Variants in RAP1A observed in about 807,000 individuals in gnomAD.
RAP1A encodes the protein ras-related protein Rap-1A.
A neutral mutation model predicts 26.4 loss-of-function variants in RAP1A; 6 were observed. The observed-to-expected ratio is 0.23, with a 90% CI of 0.12 to 0.45. The LOEUF (loss-of-function observed/expected upper bound fraction) is 0.45, where lower values mean the gene tolerates loss of function less well. Ranked by LOEUF, RAP1A falls within the 20% of genes least tolerant of loss-of-function variation. The pLI, the probability that RAP1A is intolerant of heterozygous loss-of-function variation, is 0.99. For synonymous variants in RAP1A, 73 were observed against 79.4 expected, an observed-to-expected ratio of 0.92 and a Z score of 0.43; for missense variants, 121 against 217.2, an observed-to-expected ratio of 0.56 and a Z score of 2.78.
rs1198752310 is a variant in RAP1A at position 111,619,928 on chromosome 1, CG to C, written c.-28+1del. 5 of 299,822 alleles carry C rather than the reference CG, an allele frequency of 1.7e-5. No individual in the cohort carries two copies. Among genetic ancestry groups the C allele is most frequent in the Non-Finnish European group, 2.9e-5 (5 of 174,126 alleles). The allele number at this position is 299,822 out of a possible 1,614,324, so 18.6% of individuals were successfully genotyped here. A position where few individuals can be genotyped will look rare whatever the true frequency, so the allele number is the denominator to read the frequency against. On this transcript the variant is annotated 5_prime_UTR_variant, in exon 1 of 8. Transcript: ENST00000369709. Reference sequence around the variant, plus strand: ...GGAGGAGGTGGAGGAGGCGCCGGACCGGGGGGGTGAGTAAGGGGCGGGGAGC... The same window carrying C: ...GGAGGAGGTGGAGGAGGCGCCGGACCGGGGGGTGAGTAAGGGGCGGGGAGC...
At chr1:111,658,022 C>T (rs1258746710) in intron 1 of RAP1A, among the ~76,000 whole-genome samples, 1 of 152,074 alleles carries the variant, frequency 6.6e-6, no homozygotes, top group Non-Finnish European at 1.5e-5. Flanking sequence ...TTGAGACTTA[C>T]TTTATAATTT....
At chr1:111,606,516 T>C (rs1396142257) in intron 1 of RAP1A, among the ~76,000 whole-genome samples, 1 of 152,208 alleles carries the variant, frequency 6.6e-6, no homozygotes, top group East Asian at 1.9e-4. Flanking sequence ...CAGCTTTGCA[T>C]GTATCTTGGC....
intron 1 of RAP1A, among the ~76,000 whole-genome samples, chr1:111,688,822 GT>G (rs767753356): frequency 1.4e-4 from 13 of 90,110 alleles, no homozygotes; most frequent in Admixed American, 8.5e-4. Context: ...TTTTTTTTTT[GT>G]TTTTTTTTTT....
At chr1:111,543,408 T>C (rs2185029) in intron 1 of RAP1A, among the ~76,000 whole-genome samples, 84,413 of 151,860 alleles carry the variant, frequency 0.56, 23,567 homozygotes, top group East Asian at 0.73. Flanking sequence ...CCAAATACCA[T>C]CTCCCGTCTA....
chr1:111,612,946 G>A (rs1658947879), intron 1 of RAP1A, among the ~76,000 whole-genome samples: 1 of 152,088 alleles, frequency 6.6e-6, no homozygotes, highest in Admixed American at 6.5e-5. Flanking sequence ...ACAAAATTTT[G>A]TACTCTTTTT....
In RAP1A at chr1:111,619,999, C is replaced by A. The variant is rs917996034; in HGVS notation, c.-28+65C>A. ...AGCGGGGGGCGCGGGTCGGCCGAGCCGAGGGTGAGGCGGCTCATGTCGCCG... is the reference window on the plus strand; with the variant it reads ...AGCGGGGGGCGCGGGTCGGCCGAGCAGAGGGTGAGGCGGCTCATGTCGCCG... On this transcript the variant is annotated intron_variant, in intron 1 of 7. Coordinates refer to ENST00000369709, the MANE Select transcript of RAP1A (RefSeq NM_002884.4). 6.1e-5 allele frequency: 24 copies of A among 396,418 alleles called. 1 individual carries two copies. The highest frequency in any genetic ancestry group is 8.9e-5 in the Non-Finnish European group (20 of 224,686). The allele number at this position is 396,418 out of a possible 1,614,324, so 24.6% of individuals were successfully genotyped here. A position where few individuals can be genotyped will look rare whatever the true frequency, so the allele number is the denominator to read the frequency against.
chr1:111,563,561 A>G (rs2101050391), intron 1 of RAP1A, among the ~76,000 whole-genome samples: 1 of 152,320 alleles, frequency 6.6e-6, no homozygotes, highest in East Asian at 1.9e-4. Flanking sequence ...TCAGTGATCG[A>G]AGGTGTAGGG....
In RAP1A at chr1:111,669,579, G is replaced by A. The variant is rs139493300; in HGVS notation, c.-27-21755G>A. 3.0e-3 allele frequency among the ~76,000 whole-genome samples: 463 copies of A among 152,350 alleles called. 4 individuals carry two copies. The highest frequency in any genetic ancestry group is 0.011 in the African/African-American group (450 of 41,596). Reference sequence around the variant, plus strand: ...GACTACCTAGCTGCCAAACAAGAGTGTCATGTGAGAGGAAAATAACCCTGA... The same window carrying A: ...GACTACCTAGCTGCCAAACAAGAGTATCATGTGAGAGGAAAATAACCCTGA... On this transcript the variant is annotated intron_variant, in intron 1 of 7. Transcript: ENST00000369709.
At chr1:111,651,123 A>G (rs371794353) in intron 1 of RAP1A, among the ~76,000 whole-genome samples, 1 of 151,976 alleles carries the variant, frequency 6.6e-6, no homozygotes, top group African/African-American at 2.4e-5. Context: ...TTTCATACAG[A>G]TGGTTTTGCT....
chr1:111,559,796 T>C (rs1436879521), intron 1 of RAP1A, among the ~76,000 whole-genome samples: 1 of 152,252 alleles, frequency 6.6e-6, no homozygotes, highest in Non-Finnish European at 1.5e-5. Flanking sequence ...TGAGTCTAGC[T>C]ATGAGGTGGC....
intron 1 of RAP1A, among the ~76,000 whole-genome samples, chr1:111,606,457 C>T (rs1347213498): frequency 3.9e-5 from 6 of 152,170 alleles, no homozygotes; most frequent in African/African-American, 1.4e-4. Context: ...TCATATAGAC[C>T]TGGCAAACAG....
chr1:111,677,574 A>G (rs773780590), intron 1 of RAP1A, among the ~76,000 whole-genome samples: 5 of 152,146 alleles, frequency 3.3e-5, no homozygotes, highest in Non-Finnish European at 7.4e-5. Context: ...GATAAGCTTC[A>G]AAGGTGGTTC....
chr1:111,601,537 T>C (rs1220979471), intron 1 of RAP1A, among the ~76,000 whole-genome samples: 2 of 152,172 alleles, frequency 1.3e-5, no homozygotes, highest in Non-Finnish European at 2.9e-5. Flanking sequence ...AAGGTTGCTA[T>C]TACTCTAGAA....
intron 7 of RAP1A, 43 bp downstream of exon 7, chr1:111,709,307 A>G (rs1387991509): frequency 4.0e-6 from 6 of 1,510,170 alleles, no homozygotes; most frequent in Non-Finnish European, 4.4e-6. Context: ...TCATGCTCCT[A>G]TTTTGGCTTT....
At chr1:111,692,878 T>C (rs1410290711) in intron 2 of RAP1A, among the ~76,000 whole-genome samples, 1 of 152,140 alleles carries the variant, frequency 6.6e-6, no homozygotes, top group Non-Finnish European at 1.5e-5. Flanking sequence ...GGGAGTAGGA[T>C]TGGATAGCTG....
intron 1 of RAP1A, among the ~76,000 whole-genome samples, chr1:111,690,667 C>T (rs1324621230): frequency 2.0e-5 from 3 of 152,102 alleles, no homozygotes; most frequent in African/African-American, 4.8e-5. Flanking sequence ...GTTATTCCAC[C>T]GTGGCCACTG....
chr1:111,618,819 C>CCAAA (rs1659069799), upstream of RAP1A, among the ~76,000 whole-genome samples: 1 of 123,422 alleles, frequency 8.1e-6, no homozygotes, highest in African/African-American at 2.7e-5. Context: ...CAAAATGTAT[C>CCAAA]TAAATAAAAT....
Position 111,697,479 on chromosome 1 carries a change from C to T in RAP1A, c.165C>T (p.Ile55=), listed in dbSNP as rs1193260879. 6.2e-7 allele frequency: 1 copy of T among 1,611,874 alleles called. No homozygotes were observed. ...ATTGCCAACAGTGTATGCTCGAAAT[C>T]CTGGATACTGCAGGGACAGTAAGGA... The part of the protein sequence containing the change: ...EVDCQQCMLE[I]LDTAGTEQFT... Residue 55 remains isoleucine (I), a synonymous_variant, in exon 4 of 8, where the codon ATC becomes ATT. Transcript: ENST00000369709.
intron 1 of RAP1A, chr1:111,648,341 A>G (rs1005050052): frequency 4.7e-5 from 34 of 725,340 alleles, no homozygotes; most frequent in South Asian, 3.7e-4. Flanking sequence ...GCCATCCACT[A>G]TCTGGTGGAT....
Sources: allele counts gnomAD v4.1 joint callset (sites outside exome capture counted in the v4.1 genomes callset), GRCh38; gene constraint gnomAD v4.1.1; transcripts MANE v1.5; gene names NCBI Gene and HGNC (gene_info 2026-07-23, HGNC 2026-07-21).